The following SHC4 variants were observed in gnomAD, a reference collection of about 807,000 sequenced individuals.
SHC4 encodes the protein SHC-transforming protein 4.
SHC4 carries 41 observed loss-of-function variants against 69.4 expected under a neutral mutation model. The ratio of observed to expected loss-of-function variants is 0.59; its 90% CI spans 0.46 to 0.77. SHC4 has a LOEUF of 0.77. Ranked by LOEUF, SHC4 falls within the 30% of genes least tolerant of loss-of-function variation. The pLI, the probability that SHC4 is intolerant of heterozygous loss-of-function variation, is 0.00. For synonymous variants in SHC4, 318 were observed against 299.3 expected (o/e 1.06, Z -0.64); for missense variants, 777 against 783.8 (o/e 0.99, Z 0.10).
rs550523112 is a variant in SHC4, at chr15:48,917,781, C to T, written c.656+7098G>A. Among the ~76,000 whole-genome samples, 4 of 5,990 alleles carry T rather than the reference C, an allele frequency of 6.7e-4. No individual in the cohort carries two copies. The Admixed American group carries it at 0.015, about 23-fold the overall frequency. 3.9% of individuals were successfully genotyped at this position (5,990 alleles called of 152,430 possible). ...CAATGGCCTCTTGTCCTTTTATTTT[C>T]CTCTGCTCTATCTGAGTACTTTCTG... is the stretch of plus-strand genomic sequence containing the variant. On this transcript the variant is annotated intron_variant, in intron 2 of 11. Transcript: ENST00000332408.
At chr15:48,880,088 GT>G (rs775457715) in intron 4 of SHC4, 3 of 167,094 alleles carry the variant, frequency 1.8e-5, no homozygotes, top group African/African-American at 4.8e-5. Context: ...CAAAATAAGT[GT>G]ATCAGCAGGT....
intron 2 of SHC4, among the ~76,000 whole-genome samples, chr15:48,894,656 T>G (rs536042891): frequency 3.0e-4 from 45 of 152,202 alleles, no homozygotes; most frequent in Non-Finnish European, 5.4e-4. Flanking sequence ...CCTGTTTCTA[T>G]TCCCAAAAGT....
chr15:48,913,835 T>A (rs1900561814), intron 2 of SHC4, among the ~76,000 whole-genome samples: 1 of 152,182 alleles, frequency 6.6e-6, no homozygotes, highest in Non-Finnish European at 1.5e-5. Context: ...CAGCTCCAGG[T>A]AAAGTTGGAA....
chr15:48,926,902 T>C (rs1296264476), intron 1 of SHC4, among the ~76,000 whole-genome samples: 3 of 152,090 alleles, frequency 2.0e-5, no homozygotes, highest in Non-Finnish European at 4.4e-5. Context: ...TTAGTCACAC[T>C]CAGTTACACT....
intron 9 of SHC4, among the ~76,000 whole-genome samples, chr15:48,846,539 G>A (rs974551273): frequency 3.9e-5 from 6 of 152,032 alleles, no homozygotes; most frequent in Non-Finnish European, 7.4e-5. Context: ...TTTTCAGGAA[G>A]CCTTCCCCTG....
chr15:48,916,767 A>T (rs1393954042), intron 2 of SHC4, among the ~76,000 whole-genome samples: 3 of 152,020 alleles, frequency 2.0e-5, no homozygotes. Context: ...AGGAAAACCC[A>T]CTCCAAGCCA....
intron 9 of SHC4, among the ~76,000 whole-genome samples, chr15:48,844,703 G>C (rs1424963595): frequency 6.6e-6 from 1 of 152,172 alleles, no homozygotes; most frequent in Admixed American, 6.5e-5. Flanking sequence ...GGGCCAGGTG[G>C]AGATAACTGA....
chr15:48,919,132 A>G (rs1238781822), intron 2 of SHC4, among the ~76,000 whole-genome samples: 3 of 152,014 alleles, frequency 2.0e-5, no homozygotes, highest in African/African-American at 7.3e-5. Flanking sequence ...GGTGGCTGGA[A>G]TCTCCAGACT....
At chr15:48,854,467 G>A (rs1899273567) in intron 8 of SHC4, among the ~76,000 whole-genome samples, 1 of 152,082 alleles carries the variant, frequency 6.6e-6, no homozygotes, top group Non-Finnish European at 1.5e-5. Context: ...CAACTACTGG[G>A]TATACACCCA....
intron 3 of SHC4, among the ~76,000 whole-genome samples, chr15:48,887,516 T>C (rs1425818628): frequency 6.6e-6 from 1 of 152,054 alleles, no homozygotes; most frequent in Non-Finnish European, 1.5e-5. Flanking sequence ...CAGTGAGTGC[T>C]AGGAGGAAAA....
At chr15:48,878,303 C>A in intron 4 of SHC4, 2 of 1,613,718 alleles carry the variant, frequency 1.2e-6, no homozygotes, top group Non-Finnish European at 1.7e-6. Flanking sequence ...GCTATCCCTG[C>A]GTCCCTCCCG....
intron 1 of SHC4, among the ~76,000 whole-genome samples, chr15:48,952,352 T>A (rs1330182300): frequency 6.6e-6 from 1 of 152,140 alleles, no homozygotes; most frequent in African/African-American, 2.4e-5. Context: ...CAGGCTCTGC[T>A]CTTAAAATTT....
intron 1 of SHC4, among the ~76,000 whole-genome samples, chr15:48,939,060 G>A (rs1466204481): frequency 2.0e-5 from 3 of 152,228 alleles, no homozygotes; most frequent in African/African-American, 7.2e-5. Flanking sequence ...TAAGCACAGT[G>A]ACTGGCACAT....
chr15:48,849,888 G>T (rs953769396), intron 9 of SHC4, among the ~76,000 whole-genome samples: 12 of 152,242 alleles, frequency 7.9e-5, no homozygotes, highest in African/African-American at 2.9e-4. Context: ...TCATAAGAAG[G>T]CATATTTTTA....
chr15:48,879,420 C>A (rs1899895749), intron 4 of SHC4: 1 of 167,024 alleles, frequency 6.0e-6, no homozygotes, highest in Non-Finnish European at 1.5e-5. Context: ...ATTGTCATAA[C>A]CATTTTTAAA....
chr15:48,939,325 G>A (rs534971143), intron 1 of SHC4, among the ~76,000 whole-genome samples: 2 of 152,172 alleles, frequency 1.3e-5, no homozygotes, highest in Admixed American at 6.5e-5. Flanking sequence ...ACGCTGGGGC[G>A]AGTTATGAAG....
In SHC4 at chr15:48,937,407, A is replaced by G. The variant is rs539378854; in HGVS notation, c.586-12458T>C. ...GGAAAAACTGATTCTCAGAGGTTCA[A>G]TGCTGTGCTCAAGAGTCACAGGGCT... is the stretch of plus-strand genomic sequence containing the variant. On this transcript the variant is annotated intron_variant, in intron 1 of 11. Transcript: ENST00000332408. Among the ~76,000 whole-genome samples the G allele has an allele frequency of 4.6e-5, 7 of 152,264 alleles. 1 individual carries two copies. The South Asian group carries it at 8.3e-4, about 18-fold the overall frequency.
At chr15:48,871,169 T>G (rs1899669294) in intron 5 of SHC4, among the ~76,000 whole-genome samples, 1 of 152,214 alleles carries the variant, frequency 6.6e-6, no homozygotes, top group African/African-American at 2.4e-5. Flanking sequence ...AATCTTTTCT[T>G]TAAAAAATGC....
chr15:48,843,420 C>A lies in SHC4; in HGVS notation c.1472G>T (p.Trp491Leu). The A allele has an allele frequency of 6.2e-7, 1 of 1,612,444 alleles. No homozygotes were observed. The highest frequency in any genetic ancestry group is 8.5e-7 in the Non-Finnish European group (1 of 1,178,880). The change falls in exon 10 of 12, where the codon TGG becomes TTG. Residue 491 changes from tryptophan to leucine, a missense_variant. Coordinates refer to ENST00000332408, the MANE Select transcript of SHC4 (RefSeq NM_203349.4). ...GAGTAGCTACTTACTTCCGCAGTGC[C>A]ATGGGCTCCCCAGTGGTTGGGCTGA... ...QRSAQPLGSP[W>L]HCGKAPETVQ...
Sources: allele counts gnomAD v4.1 joint callset (sites outside exome capture counted in the v4.1 genomes callset), GRCh38; gene constraint gnomAD v4.1.1; transcripts MANE v1.5; gene names NCBI Gene and HGNC (gene_info 2026-07-23, HGNC 2026-07-21).